The following DGKB variants were observed in gnomAD, a reference collection of about 807,000 sequenced individuals.
The protein encoded by DGKB is 90 kDa diacylglycerol kinase.
DGKB carries 67 observed loss-of-function variants against 114.3 expected under a neutral mutation model. The observed-to-expected ratio is 0.59, with a 90% CI of 0.48 to 0.72. The LOEUF is 0.72. DGKB is among the 30% of genes least tolerant of loss of function. DGKB has a pLI of 0.00. For synonymous variants in DGKB, 398 were observed against 323.1 expected (o/e 1.23, Z -2.49); for missense variants, 907 against 975.2 (o/e 0.93, Z 0.93).
At chr7:14,675,344 C>T (rs541922791) in intron 12 of DGKB, among the ~76,000 whole-genome samples, 39 of 152,026 alleles carry the variant, frequency 2.6e-4, no homozygotes, top group African/African-American at 7.5e-4. Context: ...TGGTAAAGGA[C>T]GACTAAGCTC....
chr7:14,513,567 T>C (rs1788305596), intron 20 of DGKB, among the ~76,000 whole-genome samples: 2 of 152,188 alleles, frequency 1.3e-5, no homozygotes, highest in Admixed American at 1.3e-4. Context: ...GTCAACAGAA[T>C]GATTTTATTA....
intron 4 of DGKB, among the ~76,000 whole-genome samples, chr7:14,743,062 T>C (rs1205760828): frequency 2.0e-5 from 3 of 152,182 alleles, no homozygotes; most frequent in Admixed American, 1.3e-4. Flanking sequence ...TTTCTTAAGG[T>C]ACTAATCTGT....
At chr7:14,388,696 T>C (rs775186850) in intron 21 of DGKB, among the ~76,000 whole-genome samples, 2 of 152,128 alleles carry the variant, frequency 1.3e-5, no homozygotes, top group Non-Finnish European at 2.9e-5. Context: ...AACATTAACT[T>C]CTATTGATAA....
At chr7:14,227,889 CTATG>C (rs1177911219) in intron 23 of DGKB, among the ~76,000 whole-genome samples, 2 of 151,948 alleles carry the variant, frequency 1.3e-5, no homozygotes, top group Non-Finnish European at 2.9e-5. Flanking sequence ...TTCTGAATGA[CTATG>C]TATGCCACAA....
chr7:14,281,200 G>C (rs1371646401), intron 23 of DGKB, among the ~76,000 whole-genome samples: 8 of 149,620 alleles, frequency 5.3e-5, no homozygotes, highest in Admixed American at 1.3e-4. Context: ...AAACAGGCAG[G>C]GGTTGCAATC....
At chr7:14,957,151 G>C (rs963991988) in intron 1 of DGKB, among the ~76,000 whole-genome samples, 1 of 151,748 alleles carries the variant, frequency 6.6e-6, no homozygotes, top group African/African-American at 2.4e-5. Context: ...TTTAAAAAAA[G>C]GGCATAAAAA....
intron 20 of DGKB, among the ~76,000 whole-genome samples, chr7:14,511,614 T>G (rs1787990726): frequency 6.6e-6 from 1 of 152,236 alleles, no homozygotes; most frequent in Non-Finnish European, 1.5e-5. Context: ...TTTAATTCCT[T>G]TCAAGAACAT....
intron 9 of DGKB, among the ~76,000 whole-genome samples, chr7:14,691,215 C>T (rs895866531): frequency 6.6e-6 from 1 of 152,156 alleles, no homozygotes; most frequent in Non-Finnish European, 1.5e-5. Context: ...GGACTACTTC[C>T]TTTTCTGTGT....
chr7:14,795,386 C>A (rs187919003), intron 2 of DGKB, among the ~76,000 whole-genome samples: 72 of 152,176 alleles, frequency 4.7e-4, no homozygotes, highest in South Asian at 1.7e-3. Context: ...ACTTGGCATG[C>A]CTTATTGCAA....
Position 14,472,395 on chromosome 7 carries a change from G to A in DGKB, c.1835+5766C>T, listed in dbSNP as rs1224685521. On this transcript the variant is annotated intron_variant, in intron 21 of 25. Transcript: ENST00000402815. ...CCACCATCCACGTACAATGTGACTTGTTCCTCCTTGCCTTCCACCATGATT... is the reference window on the plus strand; with the variant it reads ...CCACCATCCACGTACAATGTGACTTATTCCTCCTTGCCTTCCACCATGATT... Among the ~76,000 whole-genome samples, 5 of 152,248 alleles carry A rather than the reference G, an allele frequency of 3.3e-5. No individual in the cohort carries two copies. The East Asian group carries it at 7.7e-4, about 24-fold the overall frequency.
intron 23 of DGKB, among the ~76,000 whole-genome samples, chr7:14,315,802 G>C (rs1445195401): frequency 6.6e-5 from 10 of 151,194 alleles, no homozygotes; most frequent in South Asian, 2.1e-4. Flanking sequence ...ATCTACAGAA[G>C]TCTCCACCCC....
chr7:14,178,952 T>C (rs1782229163), intron 23 of DGKB, among the ~76,000 whole-genome samples: 1 of 152,162 alleles, frequency 6.6e-6, no homozygotes, highest in South Asian at 2.1e-4. Flanking sequence ...GTGATTCTCC[T>C]CATTTACAGA....
chr7:14,303,958 G>A (rs1288543919), intron 23 of DGKB, among the ~76,000 whole-genome samples: 1 of 151,586 alleles, frequency 6.6e-6, no homozygotes, highest in African/African-American at 2.4e-5. Flanking sequence ...GTGTTTTAAT[G>A]AAACCCTGGA....
intron 20 of DGKB, 45 bp from the exon 21 acceptor site, chr7:14,478,270 C>A: frequency 5.2e-6 from 6 of 1,152,398 alleles, no homozygotes; most frequent in East Asian, 2.6e-5. Context: ...GTTTATGATC[C>A]TATTATTTTA....
intron 21 of DGKB, among the ~76,000 whole-genome samples, chr7:14,406,085 A>T (rs1254516772): frequency 1.3e-5 from 2 of 152,066 alleles, no homozygotes; most frequent in Non-Finnish European, 2.9e-5. Context: ...CAAAGAAGAG[A>T]TACAGCCATT....
At chr7:14,325,088 G>A (rs1489068511) in intron 23 of DGKB, among the ~76,000 whole-genome samples, 2 of 152,262 alleles carry the variant, frequency 1.3e-5, no homozygotes, top group South Asian at 2.1e-4. Flanking sequence ...CCAGCAGGCA[G>A]CACCTCACAA....
chr7:14,148,856 T>A lies in DGKB; in HGVS notation c.*275A>T. The A allele has an allele frequency of 2.3e-6, 1 of 433,744 alleles. No individual in the cohort carries two copies. The highest frequency in any genetic ancestry group is 2.8e-5 in the South Asian group (1 of 36,144). 26.9% of individuals were successfully genotyped at this position (433,744 alleles called of 1,614,324 possible). A position where few individuals can be genotyped will look rare whatever the true frequency, so the allele number is the denominator to read the frequency against. ...AAAAGGAAATTGGGGAAGAGTTGGGTGGGAGATGTAAAAATCTATGGGAAT... is the reference window on the plus strand; with the variant it reads ...AAAAGGAAATTGGGGAAGAGTTGGGAGGGAGATGTAAAAATCTATGGGAAT... On this transcript the variant is annotated 3_prime_UTR_variant, in exon 26 of 26. Coordinates refer to ENST00000402815, the MANE Select transcript of DGKB (RefSeq NM_001350709.2).
At chr7:14,892,594 G>A (rs1016391341) in intron 1 of DGKB, among the ~76,000 whole-genome samples, 1 of 150,878 alleles carries the variant, frequency 6.6e-6, no homozygotes, top group Non-Finnish European at 1.5e-5. Context: ...TGATTATCTT[G>A]TCAAATATCC....
Position 14,661,494 on chromosome 7 carries a change from A to T in DGKB, c.1134+11435T>A, listed in dbSNP as rs1239653366. Among the ~76,000 whole-genome samples the T allele has an allele frequency of 8.9e-5, 13 of 145,742 alleles. No individual in the cohort carries two copies. In the Admixed American group the frequency reaches 9.2e-4, roughly 10 times the overall value. ...GGCCATCAGAGAAATGCTAATCAAAACCACAATGAGATACCATCTCACACC... is the reference window on the plus strand; with the variant it reads ...GGCCATCAGAGAAATGCTAATCAAATCCACAATGAGATACCATCTCACACC... On this transcript the variant is annotated intron_variant, in intron 13 of 25. Transcript: ENST00000402815.
Sources: gnomAD v4.1 joint callset for allele counts (sites outside exome capture counted in the v4.1 genomes callset) on GRCh38, gnomAD v4.1.1 for gene constraint, MANE v1.5 for transcripts, NCBI Gene and HGNC (gene_info 2026-07-23, HGNC 2026-07-21) for gene names.